The following HCN1 variants were observed in gnomAD, a reference collection of about 807,000 sequenced individuals.
HCN1 encodes potassium/sodium hyperpolarization-activated cyclic nucleotide-gated channel 1.
In HCN1, 13 loss-of-function variants were observed where a neutral mutation model predicts 78.9. That is an observed-to-expected ratio of 0.16 (90% CI 0.11 to 0.26). The LOEUF (loss-of-function observed/expected upper bound fraction) is 0.26, where lower values mean the gene tolerates loss of function less well. Ranked by LOEUF, HCN1 falls within the 10% of genes least tolerant of loss-of-function variation. The probability of loss-of-function intolerance (pLI) is 1.00; values close to 1 mark genes in which losing one functional copy is unlikely to be tolerated. For synonymous variants in HCN1, 552 were observed against 455.5 expected, an observed-to-expected ratio of 1.21 and a Z score of -2.70; for missense variants, 810 against 1,154.3, an observed-to-expected ratio of 0.70 and a Z score of 4.32.
At chr5:45,569,969 A>G (rs895850197) in intron 2 of HCN1, among the ~76,000 whole-genome samples, 6 of 152,102 alleles carry the variant, frequency 3.9e-5, no homozygotes, top group African/African-American at 1.4e-4. Context: ...GCTTAAGCAC[A>G]AATCTTCCAG....
At chr5:45,443,713 T>C (rs1206918926) in intron 3 of HCN1, among the ~76,000 whole-genome samples, 1 of 152,112 alleles carries the variant, frequency 6.6e-6, no homozygotes, top group East Asian at 1.9e-4. Context: ...CTGACTTTCT[T>C]CCCTCAAGTT....
intron 1 of HCN1, among the ~76,000 whole-genome samples, chr5:45,694,420 G>A (rs1367472488): frequency 3.3e-5 from 5 of 152,168 alleles, no homozygotes; most frequent in Admixed American, 6.5e-5. Flanking sequence ...CCTTTGTGTG[G>A]CGGGACTGTG....
At chr5:45,324,265 G>C (rs910663862) in intron 5 of HCN1, among the ~76,000 whole-genome samples, 9 of 151,840 alleles carry the variant, frequency 5.9e-5, no homozygotes, top group Non-Finnish European at 1.2e-4. Context: ...ATCTGACAAA[G>C]GGCTAATATC....
chr5:45,539,339 T>C (rs1395154138), intron 2 of HCN1, among the ~76,000 whole-genome samples: 1 of 151,258 alleles, frequency 6.6e-6, no homozygotes, highest in Non-Finnish European at 1.5e-5. Flanking sequence ...ATAGAAAATA[T>C]TATTAAAGTA....
intron 3 of HCN1, among the ~76,000 whole-genome samples, chr5:45,434,715 G>T (rs988593572): frequency 6.6e-6 from 1 of 152,128 alleles, no homozygotes; most frequent in Admixed American, 6.6e-5. Flanking sequence ...CTAATATTTT[G>T]AGTGTTGACT....
At chr5:45,563,463 T>TAAATA (rs939121659) in intron 2 of HCN1, among the ~76,000 whole-genome samples, 1 of 151,434 alleles carries the variant, frequency 6.6e-6, no homozygotes, top group African/African-American at 2.4e-5. Flanking sequence ...AAAAAATAAA[T>TAAATA]AAATAAAATA....
intron 2 of HCN1, among the ~76,000 whole-genome samples, chr5:45,550,002 G>T: frequency 6.6e-6 from 1 of 152,032 alleles, no homozygotes; most frequent in African/African-American, 2.4e-5. Flanking sequence ...GAAACAACAG[G>T]TGCTGGAGAG....
rs535430416 is a variant in HCN1 at position 45,613,980 on chromosome 5, C to T, written c.849+31205G>A. ...ACTGTAATAAAATAAGTCCAGTAAT[C>T]ATTTTTAAAACATAGCTATTTAGCC... On this transcript the variant is annotated intron_variant, in intron 2 of 7. Transcript: ENST00000303230. Among the ~76,000 whole-genome samples, 4 of 152,082 alleles carry T rather than the reference C, an allele frequency of 2.6e-5. No homozygotes were observed. In the South Asian group the frequency reaches 8.3e-4, roughly 32 times the overall value.
chr5:45,313,175 A>G lies in HCN1; in HGVS notation c.1378-9336T>C, dbSNP rs574014546. 2.0e-5 allele frequency among the ~76,000 whole-genome samples: 3 copies of G among 152,270 alleles called. No individual in the cohort carries two copies. In the South Asian group the frequency reaches 6.2e-4, roughly 32 times the overall value. On this transcript the variant is annotated intron_variant, in intron 5 of 7. Coordinates refer to ENST00000303230, the MANE Select transcript of HCN1 (RefSeq NM_021072.4). ...TACCCCTCTGAGATGAAGCTTCCAG[A>G]GGAATGATCAGGCAGCAACATTTGC...
At position 45,262,243 on chromosome 5, in the gene HCN1, C is replaced by T; in HGVS notation, c.2351G>A (p.Arg784Lys). The change falls in exon 8 of 8, where the codon AGG (arginine) becomes AAG (lysine). Residue 784 changes from arginine (R) to lysine (K), a missense_variant. Coordinates refer to ENST00000303230, the MANE Select transcript of HCN1 (RefSeq NM_021072.4). ...CGAGGGCTGCGAGGCGGAGAGTGGC[C>T]TGACTTCCCGGGTCAGGTTGGTGTT... ...LHNTNLTREV[R>K]PLSASQPSLP... 6 of 1,614,032 alleles carry T rather than the reference C, an allele frequency of 3.7e-6. No homozygotes were observed. The highest frequency in any genetic ancestry group is 5.1e-6 in the Non-Finnish European group (6 of 1,180,030).
chr5:45,654,386 G>C (rs937574583), intron 1 of HCN1, among the ~76,000 whole-genome samples: 1 of 152,038 alleles, frequency 6.6e-6, no homozygotes, highest in African/African-American at 2.4e-5. Context: ...AGCTCTTCTA[G>C]AAGTTTAATC....
chr5:45,520,249 C>T (rs1742590055), intron 2 of HCN1, among the ~76,000 whole-genome samples: 1 of 151,916 alleles, frequency 6.6e-6, no homozygotes. Flanking sequence ...CACAAAAAGT[C>T]TTAGGAAACT....
At chr5:45,290,669 C>T (rs774794302) in intron 6 of HCN1, among the ~76,000 whole-genome samples, 1 of 151,972 alleles carries the variant, frequency 6.6e-6, no homozygotes, top group Non-Finnish European at 1.5e-5. Flanking sequence ...AGATCCAATG[C>T]TACCAATATT....
intron 1 of HCN1, among the ~76,000 whole-genome samples, chr5:45,682,292 C>T (rs200493754): frequency 4.8e-4 from 56 of 117,758 alleles, no homozygotes; most frequent in Non-Finnish European, 6.7e-4. Context: ...TATATATACA[C>T]ATATATATAT....
chr5:45,627,426 T>TG (rs1442100040), intron 2 of HCN1, among the ~76,000 whole-genome samples: 2 of 152,184 alleles, frequency 1.3e-5, no homozygotes, highest in Admixed American at 1.3e-4. Flanking sequence ...ATTTGCATTA[T>TG]ACTGAGCCAT....
chr5:45,577,803 T>G (rs1743979205), intron 2 of HCN1, among the ~76,000 whole-genome samples: 1 of 151,896 alleles, frequency 6.6e-6, no homozygotes, highest in Non-Finnish European at 1.5e-5. Context: ...TACTTAGAAA[T>G]ACGAAGCAAT....
At position 45,374,008 on chromosome 5, in the gene HCN1, CATAAT is replaced by C. The variant is rs1561130008; in HGVS notation, c.1231-20767_1231-20763del. Among the ~76,000 whole-genome samples the C allele has an allele frequency of 6.1e-3, 539 of 88,422 alleles. 6 individuals carry two copies. The highest frequency in any genetic ancestry group is 0.024 in the African/African-American group (517 of 21,764). The allele number at this position is 88,422 out of a possible 152,430, so 58.0% of individuals were successfully genotyped here. ...TAATATATATAATATATATTATATA[CATAAT>C]ATATATTATATATATTATATACATA... On this transcript the variant is annotated intron_variant, in intron 4 of 7. Coordinates refer to ENST00000303230, the MANE Select transcript of HCN1 (RefSeq NM_021072.4).
At chr5:45,309,262 T>A (rs192648243) in intron 5 of HCN1, among the ~76,000 whole-genome samples, 50 of 152,260 alleles carry the variant, frequency 3.3e-4, no homozygotes, top group Admixed American at 3.1e-3. Context: ...TGAGGAAGCT[T>A]TAGGCTGTCA....
At chr5:45,335,640 C>T (rs1746438180) in intron 5 of HCN1, among the ~76,000 whole-genome samples, 2 of 152,046 alleles carry the variant, frequency 1.3e-5, no homozygotes, top group Non-Finnish European at 1.5e-5. Context: ...GTTTGTCACT[C>T]CCTAAAATAT....
Sources: gnomAD v4.1 joint callset for allele counts (sites outside exome capture counted in the v4.1 genomes callset) on GRCh38, gnomAD v4.1.1 for gene constraint, MANE v1.5 for transcripts, NCBI Gene and HGNC (gene_info 2026-07-23, HGNC 2026-07-21) for gene names.